Variants in MGMT observed in about 807,000 individuals in gnomAD.
MGMT encodes O-6-methylguanine-DNA methyltransferase.
A neutral mutation model predicts 15.9 loss-of-function variants in MGMT; 14 were observed. The ratio of observed to expected loss-of-function variants is 0.88; its 90% CI spans 0.58 to 1.37. The LOEUF (loss-of-function observed/expected upper bound fraction) is 1.37, where lower values mean the gene tolerates loss of function less well. MGMT is among the 40% of genes most tolerant of loss of function. The probability of loss-of-function intolerance (pLI) is 0.00; values close to 1 mark genes in which losing one functional copy is unlikely to be tolerated. For synonymous variants in MGMT, 130 were observed against 118.2 expected (o/e 1.10, Z -0.65); for missense variants, 282 against 268.1 (o/e 1.05, Z -0.36).
chr10:129,565,370 A>G (rs1846342647), intron 2 of MGMT, among the ~76,000 whole-genome samples: 1 of 152,160 alleles, frequency 6.6e-6, no homozygotes. Flanking sequence ...CACTTTGAAT[A>G]ATATGCAGTA....
intron 1 of MGMT, among the ~76,000 whole-genome samples, chr10:129,512,451 A>G (rs553974063): frequency 6.6e-6 from 1 of 152,230 alleles, no homozygotes; most frequent in South Asian, 2.1e-4. Flanking sequence ...GAGTCAGACC[A>G]CAGCCTCCCT....
intron 1 of MGMT, among the ~76,000 whole-genome samples, chr10:129,471,241 T>C (rs1174644063): frequency 3.3e-5 from 5 of 152,244 alleles, no homozygotes; most frequent in Admixed American, 6.5e-5. Context: ...TTGAGTCATA[T>C]GCATAGAGGT....
intron 2 of MGMT, among the ~76,000 whole-genome samples, chr10:129,683,342 T>C (rs1847873571): frequency 6.6e-6 from 1 of 152,194 alleles, no homozygotes; most frequent in Non-Finnish European, 1.5e-5. Flanking sequence ...GAAAGGAAAC[T>C]CTTAGGCTGG....
At chr10:129,475,792 A>T (rs1489041183) in intron 1 of MGMT, among the ~76,000 whole-genome samples, 2 of 152,236 alleles carry the variant, frequency 1.3e-5, no homozygotes, top group African/African-American at 4.8e-5. Flanking sequence ...CACTTCTGAA[A>T]TAAGAACTGT....
rs187359331 is a variant in MGMT at position 129,617,314 on chromosome 10, T to G, written c.125+80937T>G. Among the ~76,000 whole-genome samples, 13 of 152,372 alleles carry G rather than the reference T, an allele frequency of 8.5e-5. No homozygotes were observed. In the East Asian group the frequency reaches 2.5e-3, roughly 29 times the overall value. On this transcript the variant is annotated intron_variant, in intron 2 of 4. Coordinates refer to ENST00000651593, the MANE Select transcript of MGMT (RefSeq NM_002412.5). ...TGTGGTGTATATTTACCACATGTTC[T>G]TTATCCAGTCTCCTATTGATGGGCC...
At chr10:129,470,696 G>A (rs1013389456) in intron 1 of MGMT, among the ~76,000 whole-genome samples, 11 of 152,150 alleles carry the variant, frequency 7.2e-5, no homozygotes, top group Non-Finnish European at 1.5e-4. Flanking sequence ...TGAATAGGCC[G>A]CCCTGGGAGC....
At chr10:129,626,284 C>A (rs550784799) in intron 2 of MGMT, among the ~76,000 whole-genome samples, 1 of 152,300 alleles carries the variant, frequency 6.6e-6, no homozygotes, top group South Asian at 2.1e-4. Flanking sequence ...GCATGCCTCT[C>A]CTTCTCCATC....
At chr10:129,594,138 T>C (rs1336294907) in intron 2 of MGMT, among the ~76,000 whole-genome samples, 1 of 152,180 alleles carries the variant, frequency 6.6e-6, no homozygotes, top group African/African-American at 2.4e-5. Context: ...GGCCTCTGCC[T>C]TTCTGTGGAG....
chr10:129,610,518 A>G (rs771650623), intron 2 of MGMT, among the ~76,000 whole-genome samples: 1 of 152,228 alleles, frequency 6.6e-6, no homozygotes, highest in Non-Finnish European at 1.5e-5. Context: ...GTCCATATGC[A>G]ATAGCGATTC....
intron 2 of MGMT, among the ~76,000 whole-genome samples, chr10:129,541,599 A>G (rs1174101786): frequency 1.3e-5 from 2 of 152,248 alleles, no homozygotes; most frequent in African/African-American, 4.8e-5. Flanking sequence ...TAGTAGCAGT[A>G]GGACTTGTAG....
chr10:129,589,366 G>A (rs1335047336), intron 2 of MGMT, among the ~76,000 whole-genome samples: 3 of 152,324 alleles, frequency 2.0e-5, no homozygotes, highest in Admixed American at 2.0e-4. Flanking sequence ...CCCTGCCAGG[G>A]CCTCACTTGG....
intron 3 of MGMT, among the ~76,000 whole-genome samples, chr10:129,734,595 AT>A (rs1293963721): frequency 6.6e-6 from 1 of 151,960 alleles, no homozygotes; most frequent in Non-Finnish European, 1.5e-5. Flanking sequence ...TTCCAACACT[AT>A]GTTGAATAGG....
At position 129,724,295 on chromosome 10, in the gene MGMT, G is replaced by T. The variant is rs142838872; in HGVS notation, c.274+16252G>T. ...GCTTAAGGAGCCGGACACAGCAAGA[G>T]CCTGCCTCTGATTATATTTATTGAA... On this transcript the variant is annotated intron_variant, in intron 3 of 4. Transcript: ENST00000651593. Among the ~76,000 whole-genome samples, 24 of 152,284 alleles carry T rather than the reference G, an allele frequency of 1.6e-4. No homozygotes were observed. The East Asian group carries it at 4.4e-3, about 28-fold the overall frequency.
At chr10:129,650,889 A>G (rs568363863) in intron 2 of MGMT, among the ~76,000 whole-genome samples, 1 of 152,280 alleles carries the variant, frequency 6.6e-6, no homozygotes, top group East Asian at 1.9e-4. Context: ...CAGGTGTGCC[A>G]GCTGCCCCTG....
chr10:129,735,258 G>T (rs1374391262), intron 3 of MGMT, among the ~76,000 whole-genome samples: 5 of 152,144 alleles, frequency 3.3e-5, no homozygotes, highest in African/African-American at 7.2e-5. Flanking sequence ...GGTCTATTCA[G>T]AGATTCAACT....
intron 3 of MGMT, among the ~76,000 whole-genome samples, chr10:129,743,815 GAA>G (rs1169640224): frequency 3.3e-5 from 5 of 152,272 alleles, no homozygotes; most frequent in Non-Finnish European, 7.3e-5. Flanking sequence ...CGTATGGAAA[GAA>G]GAGATTGTGT....
At chr10:129,633,307 C>T (rs1037658579) in intron 2 of MGMT, among the ~76,000 whole-genome samples, 7 of 152,208 alleles carry the variant, frequency 4.6e-5, no homozygotes, top group Non-Finnish European at 7.3e-5. Context: ...GACACATGCT[C>T]TCACCAAACC....
chr10:129,670,801 C>T (rs543493235), intron 2 of MGMT, among the ~76,000 whole-genome samples: 15 of 152,166 alleles, frequency 9.9e-5, no homozygotes, highest in East Asian at 3.9e-4. Context: ...CTCAGGAATT[C>T]GTAACTTAGT....
At chr10:129,580,216 C>CG (rs1245066941) in intron 2 of MGMT, among the ~76,000 whole-genome samples, 13 of 152,096 alleles carry the variant, frequency 8.5e-5, no homozygotes, top group South Asian at 2.1e-4. Context: ...CTGCTGTGCC[C>CG]GGGGGGGCGG....
Sources: allele counts gnomAD v4.1 joint callset (sites outside exome capture counted in the v4.1 genomes callset), GRCh38; gene constraint gnomAD v4.1.1; transcripts MANE v1.5; gene names NCBI Gene and HGNC (gene_info 2026-07-23, HGNC 2026-07-21).